The following PPARGC1A variants were observed in gnomAD, a reference collection of about 807,000 sequenced individuals.
PPARGC1A encodes PPARG coactivator 1 alpha.
In PPARGC1A, 25 loss-of-function variants were observed where a neutral mutation model predicts 88.7. The observed-to-expected ratio is 0.28, with a 90% CI of 0.21 to 0.39. The LOEUF (loss-of-function observed/expected upper bound fraction) is 0.39, where lower values mean the gene tolerates loss of function less well. Ranked by LOEUF, PPARGC1A falls within the 10% of genes least tolerant of loss-of-function variation. The probability of loss-of-function intolerance (pLI) is 1.00; values close to 1 mark genes in which losing one functional copy is unlikely to be tolerated. For synonymous variants in PPARGC1A, 363 were observed against 355.6 expected (o/e 1.02, Z -0.24); for missense variants, 880 against 968.7 (o/e 0.91, Z 1.22).
At chr4:23,913,293 G>T in the PPARGC1A span, among the ~76,000 whole-genome samples, 3 of 142,628 alleles carry the variant, frequency 2.1e-5, no homozygotes, top group Admixed American at 2.1e-4. Flanking sequence ...GAGAGAGAGA[G>T]AGAGAGAGAG....
At chr4:23,829,873 T>C (rs1724691726) in intron 3 of PPARGC1A, among the ~76,000 whole-genome samples, 2 of 152,154 alleles carry the variant, frequency 1.3e-5, no homozygotes, top group Non-Finnish European at 2.9e-5. Context: ...CCAATTATTA[T>C]ACAAGAAATA....
chr4:24,317,555 T>TA, the PPARGC1A span, among the ~76,000 whole-genome samples: 503 of 22,210 alleles, frequency 0.023, 147 homozygotes, highest in Non-Finnish European at 0.039. Flanking sequence ...TTCAGAGGAC[T>TA]AAAAAAAAAA....
chr4:23,919,810 CATACAG>C, the PPARGC1A span, among the ~76,000 whole-genome samples: 4 of 152,122 alleles, frequency 2.6e-5, no homozygotes, highest in Non-Finnish European at 5.9e-5. Context: ...CTTAGCAGAA[CATACAG>C]ATAGAGAGCA....
At chr4:24,159,571 A>G in the PPARGC1A span, among the ~76,000 whole-genome samples, 1 of 152,216 alleles carries the variant, frequency 6.6e-6, no homozygotes. Context: ...GATTTAATCC[A>G]GATCTATCTG....
the PPARGC1A span, among the ~76,000 whole-genome samples, chr4:23,973,469 C>T: frequency 6.6e-6 from 1 of 152,172 alleles, no homozygotes; most frequent in African/African-American, 2.4e-5. Flanking sequence ...AAATTGCACA[C>T]AAATTTGTTT....
intron 2 of PPARGC1A, among the ~76,000 whole-genome samples, chr4:23,834,593 T>C (rs1000934212): frequency 2.0e-5 from 3 of 152,124 alleles, no homozygotes; most frequent in Non-Finnish European, 4.4e-5. Context: ...AACTGACCAA[T>C]TGTAAAAATC....
chr4:24,086,573 G>A, the PPARGC1A span, among the ~76,000 whole-genome samples: 2 of 152,190 alleles, frequency 1.3e-5, no homozygotes, highest in Non-Finnish European at 2.9e-5. Context: ...GATACATGGA[G>A]CATTTTGTGG....
chr4:23,870,039 A>C (rs895448247), intron 2 of PPARGC1A, among the ~76,000 whole-genome samples: 1 of 152,216 alleles, frequency 6.6e-6, no homozygotes, highest in Non-Finnish European at 1.5e-5. Flanking sequence ...TCGGTATTTC[A>C]TGGAGCATTT....
At chr4:24,196,345 T>A in the PPARGC1A span, among the ~76,000 whole-genome samples, 1 of 152,360 alleles carries the variant, frequency 6.6e-6, no homozygotes, top group Admixed American at 6.5e-5. Flanking sequence ...ACAGCCCACC[T>A]TTTATTGGAG....
chr4:24,124,626 A>T, the PPARGC1A span, among the ~76,000 whole-genome samples: 1 of 152,072 alleles, frequency 6.6e-6, no homozygotes, highest in Non-Finnish European at 1.5e-5. Context: ...CTGGACAGGT[A>T]CAGTCTTCAA....
intron 2 of PPARGC1A, among the ~76,000 whole-genome samples, chr4:23,860,945 A>G (rs540196407): frequency 2.0e-5 from 3 of 152,278 alleles, no homozygotes; most frequent in African/African-American, 7.2e-5. Flanking sequence ...GAAAAACAAT[A>G]ATGTCAGGTA....
chr4:24,252,381 T>C, the PPARGC1A span, among the ~76,000 whole-genome samples: 1 of 152,178 alleles, frequency 6.6e-6, no homozygotes, highest in East Asian at 1.9e-4. Flanking sequence ...TGCTTGCTAC[T>C]CCCAGATAGC....
Position 23,888,294 on chromosome 4 carries a change from G to T in PPARGC1A, c.54+1610C>A, listed in dbSNP as rs117828097. ...TCCTCCTTAAGAAAAAAATTTAAAG[G>T]CCACTATTCTAAATGCTTCTGATGT... On this transcript the variant is annotated intron_variant, in intron 1 of 12. Transcript: ENST00000264867. Among the ~76,000 whole-genome samples, 556 of 152,228 alleles carry T rather than the reference G, an allele frequency of 3.7e-3. 10 individuals carry two copies. In the East Asian group the frequency reaches 0.044, roughly 12 times the overall value.
At chr4:24,017,503 G>A in the PPARGC1A span, among the ~76,000 whole-genome samples, 1 of 152,022 alleles carries the variant, frequency 6.6e-6, no homozygotes, top group South Asian at 2.1e-4. Flanking sequence ...AAAAAAGATG[G>A]TTAAGCAAAC....
chr4:24,328,010 C>A, the PPARGC1A span, among the ~76,000 whole-genome samples: 1 of 152,048 alleles, frequency 6.6e-6, no homozygotes, highest in South Asian at 2.1e-4. Context: ...CACCTTGTGA[C>A]CCCTGCCCCT....
chr4:23,885,015 T>C, intron 1 of PPARGC1A, 84 bp from the exon 2 acceptor site: 1 of 1,200,240 alleles, frequency 8.3e-7, no homozygotes, highest in South Asian at 1.9e-5. Flanking sequence ...GTGATAGGAA[T>C]TAAGCCTAGT....
chr4:24,004,387 C>G, the PPARGC1A span, among the ~76,000 whole-genome samples: 1 of 152,214 alleles, frequency 6.6e-6, no homozygotes, highest in Admixed American at 6.5e-5. Context: ...CACTCCGTGA[C>G]TTTAGAGATC....
chr4:24,335,284 A>G, the PPARGC1A span, among the ~76,000 whole-genome samples: 1 of 152,186 alleles, frequency 6.6e-6, no homozygotes, highest in Non-Finnish European at 1.5e-5. Context: ...ATGGCTGTTC[A>G]TTTATAGATG....
At chr4:24,379,185 A>T in the PPARGC1A span, among the ~76,000 whole-genome samples, 2 of 152,230 alleles carry the variant, frequency 1.3e-5, no homozygotes, top group Non-Finnish European at 2.9e-5. Context: ...TGATATAATA[A>T]TATCAAATAT....
Sources: allele counts gnomAD v4.1 joint callset (sites outside exome capture counted in the v4.1 genomes callset), GRCh38; gene constraint gnomAD v4.1.1; transcripts MANE v1.5; gene names NCBI Gene and HGNC (gene_info 2026-07-23, HGNC 2026-07-21).